The following PCDH15 variants were observed in gnomAD, a reference collection of about 807,000 sequenced individuals.
The protein encoded by PCDH15 is protocadherin-15.
PCDH15 carries 129 observed loss-of-function variants against 178.5 expected under a neutral mutation model. That is an observed-to-expected ratio of 0.72 (90% CI 0.63 to 0.84). The LOEUF is 0.84. Among genes scored for constraint, PCDH15 ranks in the 40% least tolerant of loss-of-function variants. PCDH15 has a pLI of 0.00. For missense variants in PCDH15, 2,230 were observed against 2,099.9 expected (o/e 1.06, Z -1.21); for synonymous variants, 800 against 732.0 (o/e 1.09, Z -1.50).
chr10:54,336,315 C>A (rs1179447406), intron 6 of PCDH15, among the ~76,000 whole-genome samples: 1 of 152,080 alleles, frequency 6.6e-6, no homozygotes, highest in East Asian at 1.9e-4. Context: ...AATGAGGAAC[C>A]AAATGTTAAT....
intron 3 of PCDH15, among the ~76,000 whole-genome samples, chr10:54,404,924 C>A (rs1356179822): frequency 6.6e-6 from 1 of 151,902 alleles, no homozygotes; most frequent in African/African-American, 2.4e-5. Context: ...TTAGAGAAAT[C>A]CAAGTCAAAA....
chr10:55,394,092 TC>T, intron 2 of PCDH15, among the ~76,000 whole-genome samples: 1 of 152,198 alleles, frequency 6.6e-6, no homozygotes, highest in Admixed American at 6.5e-5. Flanking sequence ...GAGAGCATCT[TC>T]AGTCCATGCC....
chr10:55,150,843 T>C (rs1838689696), intron 2 of PCDH15, among the ~76,000 whole-genome samples: 1 of 152,134 alleles, frequency 6.6e-6, no homozygotes, highest in African/African-American at 2.4e-5. Flanking sequence ...ACAGCAGGAA[T>C]GGAAAGCCAA....
chr10:53,808,044 T>C (rs564235868), intron 37 of PCDH15: 82 of 151,560 alleles, frequency 5.4e-4, no homozygotes, highest in African/African-American at 1.9e-3. Flanking sequence ...AAAAATTTTA[T>C]GCCTGTTACA....
chr10:55,441,137 G>T (rs1207598657), intron 2 of PCDH15, among the ~76,000 whole-genome samples: 1 of 152,142 alleles, frequency 6.6e-6, no homozygotes, highest in Non-Finnish European at 1.5e-5. Context: ...TTCTGAAACT[G>T]CCTGTTCTTA....
At chr10:54,839,736 C>T (rs1953383883) in intron 3 of PCDH15, among the ~76,000 whole-genome samples, 1 of 151,924 alleles carries the variant, frequency 6.6e-6, no homozygotes, top group Non-Finnish European at 1.5e-5. Flanking sequence ...AATGTTAGAC[C>T]AAACAGTGAA....
chr10:55,190,094 GC>G (rs1839903280), intron 1 of PCDH15, among the ~76,000 whole-genome samples: 1 of 151,672 alleles, frequency 6.6e-6, no homozygotes, highest in African/African-American at 2.4e-5. Flanking sequence ...GATACACAAA[GC>G]ATAAATGAAT....
At chr10:54,929,780 A>C (rs1057179778) in intron 2 of PCDH15, among the ~76,000 whole-genome samples, 1 of 152,218 alleles carries the variant, frequency 6.6e-6, no homozygotes, top group Non-Finnish European at 1.5e-5. Flanking sequence ...CATAGCAACA[A>C]TCAGCTGGAG....
At chr10:54,296,459 G>T (rs892702583) in intron 8 of PCDH15, among the ~76,000 whole-genome samples, 3 of 152,020 alleles carry the variant, frequency 2.0e-5, no homozygotes, top group Non-Finnish European at 4.4e-5. Context: ...TGCCTCCTGG[G>T]TCCTCATGCC....
intron 2 of PCDH15, among the ~76,000 whole-genome samples, chr10:55,113,876 A>G (rs981292666): frequency 1.3e-5 from 2 of 152,146 alleles, no homozygotes; most frequent in Admixed American, 6.5e-5. Context: ...ACATACTGTC[A>G]TGCCAAGTTT....
intron 3 of PCDH15, among the ~76,000 whole-genome samples, chr10:54,512,159 G>A (rs1278652479): frequency 2.0e-5 from 3 of 152,092 alleles, no homozygotes; most frequent in African/African-American, 7.2e-5. Context: ...CCACCAAGAT[G>A]TCTAATAAAA....
rs535857326 is a variant in PCDH15, at chr10:54,424,901, C to T, written c.158-45959G>A. Among the ~76,000 whole-genome samples the T allele has an allele frequency of 8.0e-5, 12 of 149,506 alleles. No homozygotes were observed. In the South Asian group the frequency reaches 2.6e-3, roughly 32 times the overall value. On this transcript the variant is annotated intron_variant, in intron 3 of 37. Transcript: ENST00000644397. ...GGAGGGATAGCATTAGGAGATATAC[C>T]TAATGTAAATGATGAGTTAATGGGT... is the stretch of plus-strand genomic sequence containing the variant.
At chr10:55,246,414 T>C (rs1841680925) in intron 1 of PCDH15, among the ~76,000 whole-genome samples, 1 of 152,184 alleles carries the variant, frequency 6.6e-6, no homozygotes, top group Non-Finnish European at 1.5e-5. Flanking sequence ...CTGAATTACT[T>C]TCATTTTCTC....
chr10:55,192,984 G>T (rs1839984215), intron 1 of PCDH15, among the ~76,000 whole-genome samples: 1 of 118,812 alleles, frequency 8.4e-6, no homozygotes, highest in Admixed American at 8.6e-5. Context: ...TTTCAAAATG[G>T]CTTTTTTTTT....
At chr10:55,186,036 T>C (rs1278464809) in intron 1 of PCDH15, among the ~76,000 whole-genome samples, 1 of 151,770 alleles carries the variant, frequency 6.6e-6, no homozygotes, top group Non-Finnish European at 1.5e-5. Flanking sequence ...AAACAAATGA[T>C]CTACAGAGAA....
chr10:54,096,861 T>C (rs1245364519), intron 15 of PCDH15, among the ~76,000 whole-genome samples: 1 of 152,226 alleles, frequency 6.6e-6, no homozygotes, highest in Non-Finnish European at 1.5e-5. Flanking sequence ...TCAAATACAG[T>C]ATGGCCAATA....
chr10:53,825,317 C>T lies in PCDH15; in HGVS notation c.4367+2076G>A, dbSNP rs1438176198. Reference sequence around the variant, plus strand: ...ATTTTGTTATTATTCATATGAATGACATTTAATAGTAGATGAAATCAAATG... The same window carrying T: ...ATTTTGTTATTATTCATATGAATGATATTTAATAGTAGATGAAATCAAATG... On this transcript the variant is annotated intron_variant, in intron 32 of 37. Transcript: ENST00000644397. Among the ~76,000 whole-genome samples the T allele has an allele frequency of 2.6e-5, 4 of 151,704 alleles. No homozygotes were observed. The East Asian group carries it at 7.7e-4, about 29-fold the overall frequency.
rs868473600 is a variant in PCDH15, at chr10:55,126,431, A to G, written c.-80+40145T>C. ...AAACAATCCATCTCTGATTTCTGAG[A>G]TTGCTTAACTAGCACATTCCAAATA... On this transcript the variant is annotated intron_variant, in intron 2 of 5. Coordinates refer to the PCDH15 transcript ENST00000458638. Among the ~76,000 whole-genome samples the G allele has an allele frequency of 3.9e-5, 6 of 152,254 alleles. No homozygotes were observed. In the Middle Eastern group the frequency reaches 0.014, roughly 345 times the overall value.
Position 54,682,475 on chromosome 10 carries a change from G to A in PCDH15, c.-28-18185C>T, listed in dbSNP as rs142044817. ...CAAGCCACTAGTAATTCAGAAATTG[G>A]TCATTTATATAATGGCATTTATTGC... On this transcript the variant is annotated intron_variant, in intron 1 of 37. Coordinates refer to ENST00000644397, the MANE Select transcript of PCDH15 (RefSeq NM_001384140.1). Among the ~76,000 whole-genome samples, 283 of 152,102 alleles carry A rather than the reference G, an allele frequency of 1.9e-3. 1 individual carries two copies. Among genetic ancestry groups the A allele is most frequent in the African/African-American group, 6.4e-3 (264 of 41,490 alleles).
Sources: gnomAD v4.1 joint callset for allele counts (sites outside exome capture counted in the v4.1 genomes callset) on GRCh38, gnomAD v4.1.1 for gene constraint, MANE v1.5 for transcripts, NCBI Gene and HGNC (gene_info 2026-07-23, HGNC 2026-07-21) for gene names.